The following WDR27 variants were observed in gnomAD, a reference collection of about 807,000 sequenced individuals.
WDR27 encodes WD repeat-containing protein 27.
In WDR27, 100 loss-of-function variants were observed where a neutral mutation model predicts 114.4. The observed-to-expected ratio is 0.87, with a 90% CI of 0.74 to 1.03. The LOEUF is 1.03. Among genes scored for constraint, WDR27 ranks in the 50% least tolerant of loss-of-function variants. WDR27 has a pLI of 0.00. For missense variants in WDR27, 1,129 were observed against 1,092.9 expected (o/e 1.03, Z -0.47); for synonymous variants, 449 against 423.1 (o/e 1.06, Z -0.75).
At chr6:169,647,933 A>G (rs1245277764) in intron 15 of WDR27, 63 bp from the exon 16 acceptor site, 1 of 1,260,160 alleles carries the variant, frequency 7.9e-7, no homozygotes, top group East Asian at 2.7e-5. Context: ...GAAGTAAAAC[A>G]TAAGCAAGAA....
At chr6:169,662,074 T>C (rs564727752) in intron 9 of WDR27, among the ~76,000 whole-genome samples, 1 of 152,322 alleles carries the variant, frequency 6.6e-6, no homozygotes, top group South Asian at 2.1e-4. Context: ...ACTTTGGTAA[T>C]AAACTTAAAA....
At chr6:169,434,099 C>A in the WDR27 span, among the ~76,000 whole-genome samples, 1 of 152,122 alleles carries the variant, frequency 6.6e-6, no homozygotes, top group African/African-American at 2.4e-5. Flanking sequence ...TAATTAGATC[C>A]CATTTGTCAA....
chr6:169,626,671 C>T (rs905473741), intron 21 of WDR27, among the ~76,000 whole-genome samples: 1 of 152,238 alleles, frequency 6.6e-6, no homozygotes, highest in Admixed American at 6.5e-5. Context: ...CACCGTGCAG[C>T]TCAGAATACA....
chr6:169,587,346 G>A (rs1018320002), intron 23 of WDR27, among the ~76,000 whole-genome samples: 2 of 150,406 alleles, frequency 1.3e-5, no homozygotes, highest in African/African-American at 2.4e-5. Context: ...AGTCTCTCAA[G>A]TAGTTTGGAT....
intron 2 of WDR27, among the ~76,000 whole-genome samples, chr6:169,688,288 T>C (rs528901334): frequency 1.3e-5 from 2 of 152,284 alleles, no homozygotes; most frequent in South Asian, 4.1e-4. Context: ...TAATGTATAA[T>C]CACATTTATA....
downstream of WDR27, among the ~76,000 whole-genome samples, chr6:169,454,198 G>A (rs568423050): frequency 6.6e-6 from 1 of 152,168 alleles, no homozygotes; most frequent in Non-Finnish European, 1.5e-5. Context: ...CTCCCTTTTT[G>A]GAAAAACATA....
intron 21 of WDR27, among the ~76,000 whole-genome samples, chr6:169,616,260 C>T (rs1235346497): frequency 2.0e-5 from 3 of 152,112 alleles, no homozygotes; most frequent in African/African-American, 4.8e-5. Flanking sequence ...GAGGCCAAGG[C>T]GGGCGGATCA....
chr6:169,691,644 A>T (rs1347890575), intron 1 of WDR27, among the ~76,000 whole-genome samples: 1 of 152,256 alleles, frequency 6.6e-6, no homozygotes, highest in Non-Finnish European at 1.5e-5. Flanking sequence ...TTTTTCTTCA[A>T]CATAAACTTT....
rs1156545779 is a variant in WDR27, at chr6:169,684,991, G to A, written c.189+3826C>T. Among the ~76,000 whole-genome samples the A allele has an allele frequency of 6.6e-6, 1 of 152,098 alleles. No individual in the cohort carries two copies. Among genetic ancestry groups the A allele is most frequent in the African/African-American group, 2.4e-5 (1 of 41,400 alleles). On this transcript the variant is annotated intron_variant, in intron 2 of 25. Coordinates refer to ENST00000448612, the MANE Select transcript of WDR27 (RefSeq NM_182552.5). This position sits in a 1 kb window ranked among gnomAD's most constrained non-coding sequence, Gnocchi z 4.3. ...GAAATACCAGGTGAACCCATCCTTG[G>A]CAAAGCTACACAACCATCACCACAA...
chr6:169,442,146 G>C, the WDR27 span, among the ~76,000 whole-genome samples: 1 of 152,234 alleles, frequency 6.6e-6, no homozygotes, highest in African/African-American at 2.4e-5. Flanking sequence ...CAGACAGCAA[G>C]AATTAAATGG....
At chr6:169,542,931 GTTA>G (rs1797007392) in intron 25 of WDR27, among the ~76,000 whole-genome samples, 1 of 151,976 alleles carries the variant, frequency 6.6e-6, no homozygotes, top group Admixed American at 6.6e-5. Flanking sequence ...CAAGATAAAA[GTTA>G]TTATTGAGAA....
intron 7 of WDR27, chr6:169,665,257 G>A (rs12196705): frequency 1.5e-6 from 2 of 1,299,120 alleles, no homozygotes; most frequent in Non-Finnish European, 2.0e-6. Flanking sequence ...ACCACGCATG[G>A]AGCTCTGGGA....
the WDR27 span, among the ~76,000 whole-genome samples, chr6:169,429,694 C>T: frequency 4.2e-3 from 640 of 152,242 alleles, 4 homozygotes; most frequent in African/African-American, 0.014. Flanking sequence ...TCAACTTTGT[C>T]GGGCACCACA....
At chr6:169,426,783 G>T in the WDR27 span, 2 of 152,428 alleles carry the variant, frequency 1.3e-5, no homozygotes, top group African/African-American at 4.8e-5. Context: ...CCCAAGCACA[G>T]CGCTGAGCAT....
intron 2 of WDR27, among the ~76,000 whole-genome samples, chr6:169,680,419 A>G (rs1386316740): frequency 6.6e-6 from 1 of 152,134 alleles, no homozygotes; most frequent in Non-Finnish European, 1.5e-5. Context: ...TGTCTCTACT[A>G]AAAATACAAA....
At chr6:169,597,877 TACACACACACACAC>T (rs67336814) in intron 23 of WDR27, among the ~76,000 whole-genome samples, 10 of 142,220 alleles carry the variant, frequency 7.0e-5, no homozygotes, top group Non-Finnish European at 1.2e-4. Context: ...TTACCATTCA[TACACACACACACAC>T]ACACACACAC....
intron 25 of WDR27, among the ~76,000 whole-genome samples, chr6:169,555,782 T>C (rs1269691105): frequency 6.6e-6 from 1 of 152,188 alleles, no homozygotes; most frequent in Non-Finnish European, 1.5e-5. Flanking sequence ...ACTTGAAATA[T>C]CTTCTGAAAT....
intron 25 of WDR27, among the ~76,000 whole-genome samples, chr6:169,459,463 C>T (rs1784655718): frequency 6.6e-6 from 1 of 151,830 alleles, no homozygotes; most frequent in African/African-American, 2.4e-5. Flanking sequence ...AAGGGACCAA[C>T]TTATGCATTG....
intron 25 of WDR27, among the ~76,000 whole-genome samples, chr6:169,531,796 G>A (rs1051447987): frequency 6.6e-6 from 1 of 152,058 alleles, no homozygotes; most frequent in African/African-American, 2.4e-5. Context: ...TGGGATTACA[G>A]GCACCCACCA....
Sources: allele counts gnomAD v4.1 joint callset (sites outside exome capture counted in the v4.1 genomes callset), GRCh38; gene constraint gnomAD v4.1.1; non-coding constraint Gnocchi (gnomAD v3.1); transcripts MANE v1.5; gene names NCBI Gene and HGNC (gene_info 2026-07-23, HGNC 2026-07-21).